The following HTR2C variants were observed in gnomAD, a reference collection of about 807,000 sequenced individuals.
HTR2C encodes the protein 5-hydroxytryptamine (serotonin) receptor 2C, G protein-coupled.
In HTR2C, 5 loss-of-function variants were observed where a neutral mutation model predicts 21.0. That is an observed-to-expected ratio of 0.24 (90% CI 0.12 to 0.50). The LOEUF (loss-of-function observed/expected upper bound fraction) is 0.50. Among genes scored for constraint, HTR2C ranks in the 20% least tolerant of loss-of-function variants. HTR2C has a pLI of 0.98. For missense variants in HTR2C, 271 were observed against 371.2 expected, an observed-to-expected ratio of 0.73 and a Z score of 2.22; for synonymous variants, 150 against 145.3, an observed-to-expected ratio of 1.03 and a Z score of -0.23.
intron 2 of HTR2C, among the ~76,000 whole-genome samples, chrX:114,661,522 A>G (rs1930988577): frequency 9.0e-6 from 1 of 110,650 alleles, no homozygotes; most frequent in African/African-American, 3.3e-5. Context: ...GTCAGCTAGT[A>G]ATGACACCTG....
At chrX:114,796,759 T>G (rs191302864) in intron 4 of HTR2C, among the ~76,000 whole-genome samples, 1 of 111,528 alleles carries the variant, frequency 9.0e-6, no homozygotes, top group Non-Finnish European at 1.9e-5. Context: ...AGACCTGATC[T>G]TCTTGACTCA....
chrX:114,887,108 G>A (rs968080142), intron 5 of HTR2C, among the ~76,000 whole-genome samples: 1 of 111,888 alleles, frequency 8.9e-6, no homozygotes, highest in Non-Finnish European at 1.9e-5. Flanking sequence ...AAAATCAGAC[G>A]GATTACATAA....
chrX:114,591,696 G>A (rs1473355384), intron 1 of HTR2C, among the ~76,000 whole-genome samples: 2 of 111,808 alleles, frequency 1.8e-5, no homozygotes. Context: ...ATAAAGAAAA[G>A]CCTGTAAGAA....
chrX:114,823,505 A>G (rs1306979741), intron 4 of HTR2C: 1 of 346,051 alleles, frequency 2.9e-6, no homozygotes, highest in African/African-American at 2.6e-5. Flanking sequence ...CCTATTTCAT[A>G]TAAGAGGGGG....
In HTR2C at chrX:114,712,346, A is replaced by G. The variant is rs782184686; in HGVS notation, c.-79-14512A>G. On this transcript the variant is annotated intron_variant, in intron 2 of 5. Transcript: ENST00000276198. ...TTGCACCAAATACACTGTCTTTCAT[A>G]AATTTCCTGAGCAAACAGAGATTTC... Among the ~76,000 whole-genome samples the G allele has an allele frequency of 8.9e-5, 10 of 112,044 alleles. No individual in the cohort carries two copies. In the South Asian group the frequency reaches 3.7e-3, roughly 41 times the overall value.
chrX:114,620,084 C>T (rs1484468928), intron 2 of HTR2C, among the ~76,000 whole-genome samples: 1 of 111,812 alleles, frequency 8.9e-6, no homozygotes, highest in Admixed American at 9.6e-5. Context: ...CAAGTGGCAG[C>T]TGTAAATATT....
chrX:114,618,087 T>TGAAA (rs1929018834), intron 2 of HTR2C, among the ~76,000 whole-genome samples: 1 of 112,089 alleles, frequency 8.9e-6, no homozygotes, highest in African/African-American at 3.2e-5. Flanking sequence ...TCAGTTGAAG[T>TGAAA]CAAAACACAT....
rs146099329 is a variant in HTR2C at position 114,787,379 on chromosome X, G to C, written c.349+55772G>C. Among the ~76,000 whole-genome samples the C allele has an allele frequency of 6.3e-3, 702 of 111,741 alleles. 4 individuals are homozygous for C. Among genetic ancestry groups the C allele is most frequent in the Non-Finnish European group, 8.0e-3 (428 of 53,182 alleles). ...ATTTTAAGGTTTTAAGAAGGCAGTA[G>C]AACACAGAGGAGTATGAAAAGCAGG... On this transcript the variant is annotated intron_variant, in intron 4 of 5. Coordinates refer to ENST00000276198, the MANE Select transcript of HTR2C (RefSeq NM_000868.4).
chrX:114,659,957 C>G (rs1283079774), intron 2 of HTR2C, among the ~76,000 whole-genome samples: 1 of 111,216 alleles, frequency 9.0e-6, no homozygotes, highest in African/African-American at 3.3e-5. Flanking sequence ...AGTAAATAAG[C>G]AAACAAACAA....
At chrX:114,849,942 A>G (rs2070903282) in intron 5 of HTR2C, among the ~76,000 whole-genome samples, 1 of 112,143 alleles carries the variant, frequency 8.9e-6, no homozygotes, top group African/African-American at 3.2e-5. Context: ...ACAGAAATAA[A>G]CTTACAAACA....
intron 1 of HTR2C, among the ~76,000 whole-genome samples, chrX:114,610,686 A>G (rs1248240318): frequency 1.8e-5 from 2 of 111,812 alleles, no homozygotes; most frequent in African/African-American, 6.5e-5. Flanking sequence ...ACTCGCCTAC[A>G]AAGGGAAAAA....
At chrX:114,822,453 A>C (rs782807188) in intron 4 of HTR2C, among the ~76,000 whole-genome samples, 1 of 112,475 alleles carries the variant, frequency 8.9e-6, no homozygotes, top group South Asian at 3.6e-4. Context: ...TTAGGCAAGA[A>C]TTCATGATTG....
At chrX:114,855,795 G>T (rs2070955883) in intron 5 of HTR2C, among the ~76,000 whole-genome samples, 1 of 56,785 alleles carries the variant, frequency 1.8e-5, no homozygotes, top group Non-Finnish European at 2.9e-5. Context: ...TACCAAAGCT[G>T]TACATATATT....
In HTR2C at chrX:114,613,800, A is replaced by G. The variant is rs1464471156; in HGVS notation, c.-146-15A>G. 9.0e-6 allele frequency: 1 copy of G among 111,465 alleles called. No homozygotes were observed. Among genetic ancestry groups the G allele is most frequent in the Non-Finnish European group, 1.9e-5 (1 of 53,048 alleles). The allele number at this position is 111,465 out of a possible 1,213,427, so 9.2% of individuals were successfully genotyped here. A position where few individuals can be genotyped will look rare whatever the true frequency, so the allele number is the denominator to read the frequency against. On this transcript the variant is annotated splice_polypyrimidine_tract_variant and intron_variant, in intron 1 of 5. Coordinates refer to ENST00000276198, the MANE Select transcript of HTR2C (RefSeq NM_000868.4). ...ATGGAGTTCTTACTGCATTTTTCTCAATGTTTGCTTTTAGGGTTATCAGCT... is the reference window on the plus strand; with the variant it reads ...ATGGAGTTCTTACTGCATTTTTCTCGATGTTTGCTTTTAGGGTTATCAGCT...
Position 114,909,946 on chromosome X carries a change from C to T in HTR2C, c.*2531C>T, listed in dbSNP as rs781935866. 1.1e-4 allele frequency: 12 copies of T among 112,177 alleles called. No individual in the cohort carries two copies. The highest frequency in any genetic ancestry group is 1.7e-4 in the Non-Finnish European group (9 of 53,196). The allele number at this position is 112,177 out of a possible 1,213,427, so 9.2% of individuals were successfully genotyped here. On this transcript the variant is annotated 3_prime_UTR_variant, in exon 6 of 6. Coordinates refer to ENST00000276198, the MANE Select transcript of HTR2C (RefSeq NM_000868.4). ...ATTTTCTGTAATTCTTCTCCTTTGT[C>T]AAATGGTATTTTTTGTGAATGGTTG...
intron 2 of HTR2C, among the ~76,000 whole-genome samples, chrX:114,632,479 A>G (rs1405280653): frequency 8.9e-6 from 1 of 112,041 alleles, no homozygotes; most frequent in African/African-American, 3.2e-5. Flanking sequence ...GACAAAATGT[A>G]TCAGTTAAAA....
At chrX:114,743,242 C>A (rs1360181062) in intron 4 of HTR2C, among the ~76,000 whole-genome samples, 2 of 103,955 alleles carry the variant, frequency 1.9e-5, no homozygotes, top group Non-Finnish European at 3.9e-5. Context: ...TGGGTATATA[C>A]CCAGTAATGG....
At chrX:114,877,686 AATTTCTTTTTT>A (rs1286724548) in intron 5 of HTR2C, among the ~76,000 whole-genome samples, 3 of 109,009 alleles carry the variant, frequency 2.8e-5, no homozygotes, top group Non-Finnish European at 3.9e-5. Flanking sequence ...TATTTTTTTA[AATTTCTTTTTT>A]ATTTCTTTTT....
intron 2 of HTR2C, among the ~76,000 whole-genome samples, chrX:114,699,622 G>T (rs1932395374): frequency 9.0e-6 from 1 of 111,691 alleles, no homozygotes; most frequent in Non-Finnish European, 1.9e-5. Context: ...TTTTGTTAGA[G>T]ACCTTGCTAA....
Sources: gnomAD v4.1 joint callset for allele counts (sites outside exome capture counted in the v4.1 genomes callset) on GRCh38, gnomAD v4.1.1 for gene constraint, MANE v1.5 for transcripts, NCBI Gene and HGNC (gene_info 2026-07-23, HGNC 2026-07-21) for gene names.